Variants in CRIM1 observed in about 807,000 individuals in gnomAD.
The protein encoded by CRIM1 is cysteine-rich motor neuron 1 protein.
Under a neutral mutation model 116.4 loss-of-function variants are expected in CRIM1, and 32 were observed. That is an observed-to-expected ratio of 0.27 (90% CI 0.21 to 0.37). The LOEUF is 0.37. Among genes scored for constraint, CRIM1 ranks in the 10% least tolerant of loss-of-function variants. The pLI is 1.00. For synonymous variants in CRIM1, 590 were observed against 509.2 expected (o/e 1.16, Z -2.13); for missense variants, 1,331 against 1,354.8 (o/e 0.98, Z 0.28).
chr2:36,490,766 C>G (rs916835324), intron 7 of CRIM1, among the ~76,000 whole-genome samples: 1 of 152,158 alleles, frequency 6.6e-6, no homozygotes, highest in Admixed American at 6.5e-5. Flanking sequence ...ACCCACTCTC[C>G]CATCCTGTCA....
intron 14 of CRIM1, among the ~76,000 whole-genome samples, chr2:36,540,901 G>C (rs1246005098): frequency 2.0e-5 from 3 of 152,170 alleles, no homozygotes; most frequent in Non-Finnish European, 2.9e-5. Flanking sequence ...AGAGAGTACA[G>C]ATATTGCTAA....
At position 36,356,258 on chromosome 2, in the gene CRIM1, C is replaced by A. The variant is rs767819571; in HGVS notation, c.-35C>A. On this transcript the variant is annotated 5_prime_UTR_variant, in exon 1 of 17. Coordinates refer to ENST00000280527, the MANE Select transcript of CRIM1 (RefSeq NM_016441.3). The surrounding 1 kb of genome is among the most constrained non-coding windows in gnomAD (Gnocchi z 4.3). ...GAGGGCGCCCGCCCCGCTCCCGGCC[C>A]GGCTGCGAGGAGGAGGCGGCGGCGG... is the stretch of plus-strand genomic sequence containing the variant. 2.3e-6 allele frequency: 3 copies of A among 1,282,366 alleles called. No individual in the cohort carries two copies. The highest frequency in any genetic ancestry group is 6.1e-5 in the East Asian group (2 of 32,926). The allele number at this position is 1,282,366 out of a possible 1,614,324, so 79.4% of individuals were successfully genotyped here.
chr2:36,514,845 C>T (rs371292967), intron 11 of CRIM1, among the ~76,000 whole-genome samples: 3 of 152,208 alleles, frequency 2.0e-5, no homozygotes, highest in African/African-American at 7.2e-5. Context: ...CTCTGAGATT[C>T]TGCACAGCTC....
intron 1 of CRIM1, among the ~76,000 whole-genome samples, chr2:36,361,512 G>A (rs1669221917): frequency 6.6e-6 from 1 of 152,162 alleles, no homozygotes; most frequent in African/African-American, 2.4e-5. Context: ...TATTGTAGAT[G>A]AAACAGATGA....
At chr2:36,447,267 C>T (rs953695701) in intron 4 of CRIM1, among the ~76,000 whole-genome samples, 3 of 152,116 alleles carry the variant, frequency 2.0e-5, no homozygotes, top group African/African-American at 7.2e-5. Flanking sequence ...ACCCTGTGCT[C>T]TTTCCACTGG....
At chr2:36,392,669 A>G (rs1418872810) in intron 1 of CRIM1, among the ~76,000 whole-genome samples, 1 of 152,156 alleles carries the variant, frequency 6.6e-6, no homozygotes, top group Non-Finnish European at 1.5e-5. Context: ...TTGTTAAATT[A>G]TTTTAAAATA....
chr2:36,458,766 C>A (rs848536), intron 4 of CRIM1, among the ~76,000 whole-genome samples: 13,694 of 151,882 alleles, frequency 0.09, 991 homozygotes, highest in Admixed American at 0.21. Flanking sequence ...GCAGCAGTGA[C>A]GGGAATGGGA....
intron 1 of CRIM1, among the ~76,000 whole-genome samples, chr2:36,388,248 C>CT (rs1671319278): frequency 6.6e-6 from 1 of 152,024 alleles, no homozygotes; most frequent in Non-Finnish European, 1.5e-5. Context: ...AGTAAATCCT[C>CT]TAAGAATGGA....
chr2:36,365,736 G>GTT (rs756853852), intron 1 of CRIM1, among the ~76,000 whole-genome samples: 17,394 of 137,510 alleles, frequency 0.13, 1,539 homozygotes, highest in East Asian at 0.3. Context: ...CTATGTTTGT[G>GTT]TTTTTTTTTT....
chr2:36,472,630 T>G (rs761947394), intron 5 of CRIM1, among the ~76,000 whole-genome samples: 5 of 152,182 alleles, frequency 3.3e-5, no homozygotes, highest in African/African-American at 1.2e-4. Flanking sequence ...CCACACTTCC[T>G]CAGATCATGC....
chr2:36,459,894 G>A (rs1053375929), intron 4 of CRIM1, among the ~76,000 whole-genome samples: 5 of 152,144 alleles, frequency 3.3e-5, no homozygotes, highest in African/African-American at 7.2e-5. Context: ...CCAGGAGCTC[G>A]GACTCTGACC....
intron 13 of CRIM1, among the ~76,000 whole-genome samples, chr2:36,535,651 G>T (rs1666495586): frequency 1.3e-5 from 2 of 152,066 alleles, no homozygotes; most frequent in South Asian, 4.2e-4. Context: ...TTTCTTCCTT[G>T]GACTTGTTTC....
chr2:36,452,325 C>T (rs1394883190), intron 4 of CRIM1, among the ~76,000 whole-genome samples: 3 of 152,126 alleles, frequency 2.0e-5, no homozygotes, highest in African/African-American at 7.2e-5. Flanking sequence ...GTAGCATTCT[C>T]TCTGTTTTTA....
intron 1 of CRIM1, among the ~76,000 whole-genome samples, chr2:36,381,736 G>A (rs780076442): frequency 2.4e-4 from 36 of 152,194 alleles, no homozygotes; most frequent in Non-Finnish European, 4.3e-4. Context: ...GCAGTGAGCC[G>A]AGATTACGCT....
chr2:36,476,189 C>CT (rs1221601425), intron 5 of CRIM1, among the ~76,000 whole-genome samples: 2 of 151,958 alleles, frequency 1.3e-5, no homozygotes, highest in African/African-American at 4.8e-5. Context: ...GAACATAACC[C>CT]TGAAGCACAA....
intron 4 of CRIM1, among the ~76,000 whole-genome samples, chr2:36,447,801 T>C (rs1025555389): frequency 6.6e-6 from 1 of 152,196 alleles, no homozygotes; most frequent in South Asian, 2.1e-4. Context: ...AGATGCCCTT[T>C]AGTTTTCATT....
chr2:36,537,626 C>CT, intron 14 of CRIM1, 80 bp downstream of exon 14: 1 of 1,416,228 alleles, frequency 7.1e-7, no homozygotes, highest in Non-Finnish European at 9.4e-7. Context: ...CGACCTGCCC[C>CT]TTCTTTCATT....
rs557405032 is a variant in CRIM1, at chr2:36,422,607, A to G, written c.506-18651A>G. 1.1e-3 allele frequency among the ~76,000 whole-genome samples: 174 copies of G among 152,318 alleles called. 1 individual carries two copies. The highest frequency in any genetic ancestry group is 4.1e-3 in the African/African-American group (170 of 41,568). On this transcript the variant is annotated intron_variant, in intron 2 of 16. Transcript: ENST00000280527. ...GCAGAAGGGGCAAGCTCTGCTTCTGATAGTGTTATGATACTATGTTTTTGC... is the reference window on the plus strand; with the variant it reads ...GCAGAAGGGGCAAGCTCTGCTTCTGGTAGTGTTATGATACTATGTTTTTGC...
At chr2:36,368,061 A>G (rs906377614) in intron 1 of CRIM1, among the ~76,000 whole-genome samples, 3 of 152,228 alleles carry the variant, frequency 2.0e-5, no homozygotes, top group Non-Finnish European at 4.4e-5. Flanking sequence ...TCTTCTTCCT[A>G]ATACTGCAGG....
Sources: allele counts gnomAD v4.1 joint callset (sites outside exome capture counted in the v4.1 genomes callset), GRCh38; gene constraint gnomAD v4.1.1; non-coding constraint Gnocchi (gnomAD v3.1); transcripts MANE v1.5; gene names NCBI Gene and HGNC (gene_info 2026-07-23, HGNC 2026-07-21).